The following ADAM22 variants were observed in gnomAD, a reference collection of about 807,000 sequenced individuals.
The protein encoded by ADAM22 is ADAM metallopeptidase domain 22.
ADAM22 carries 65 observed loss-of-function variants against 144.6 expected under a neutral mutation model. That is an observed-to-expected ratio of 0.45 (90% CI 0.37 to 0.55). The LOEUF is 0.55. ADAM22 is among the 20% of genes least tolerant of loss of function. The pLI is 0.00. For missense variants in ADAM22, 974 were observed against 1,184.9 expected (o/e 0.82, Z 2.61); for synonymous variants, 391 against 412.6 (o/e 0.95, Z 0.63).
intron 2 of ADAM22, among the ~76,000 whole-genome samples, chr7:87,966,920 C>T (rs754997912): frequency 8.6e-5 from 13 of 151,554 alleles, no homozygotes; most frequent in Non-Finnish European, 1.8e-4. Context: ...TTGTAGTTCC[C>T]GTAATCCCAA....
intron 29 of ADAM22, chr7:88,186,323 A>T: frequency 2.7e-6 from 1 of 369,446 alleles, no homozygotes; most frequent in South Asian, 3.0e-5. Flanking sequence ...GGGACTGCTG[A>T]CTGTACTGTG....
intron 2 of ADAM22, among the ~76,000 whole-genome samples, chr7:87,957,238 G>A (rs2129444545): frequency 6.6e-6 from 1 of 152,216 alleles, no homozygotes; most frequent in South Asian, 2.1e-4. Flanking sequence ...ATAATATTAG[G>A]GACATCTGGA....
chr7:87,969,207 C>T (rs1849851638), intron 2 of ADAM22, among the ~76,000 whole-genome samples: 1 of 152,214 alleles, frequency 6.6e-6, no homozygotes, highest in Non-Finnish European at 1.5e-5. Context: ...GTCTTTACTT[C>T]CATCTTGATC....
intron 3 of ADAM22, among the ~76,000 whole-genome samples, chr7:88,046,816 G>T (rs1426267346): frequency 6.6e-6 from 1 of 152,124 alleles, no homozygotes. Context: ...TTACAGTTAG[G>T]TTAATTTTTA....
At chr7:88,131,693 A>G (rs1246617180) in intron 11 of ADAM22, 1 of 498,788 alleles carries the variant, frequency 2.0e-6, no homozygotes, top group African/African-American at 1.9e-5. Context: ...GAGTAAAAAT[A>G]CTGCTAATAC....
At chr7:88,013,341 A>G (rs538304034) in intron 3 of ADAM22, among the ~76,000 whole-genome samples, 2 of 152,278 alleles carry the variant, frequency 1.3e-5, no homozygotes, top group East Asian at 3.9e-4. Context: ...AAATGAGGGT[A>G]ATGACTTCTA....
intron 31 of ADAM22, among the ~76,000 whole-genome samples, chr7:88,195,113 C>T (rs545049959): frequency 9.9e-5 from 15 of 152,224 alleles, no homozygotes; most frequent in African/African-American, 3.6e-4. Flanking sequence ...ATATATACAG[C>T]GACATGCACC....
At chr7:87,946,874 T>G (rs1053302315) in intron 2 of ADAM22, among the ~76,000 whole-genome samples, 29 of 152,272 alleles carry the variant, frequency 1.9e-4, no homozygotes, top group African/African-American at 5.8e-4. Flanking sequence ...TATGCAGCCT[T>G]AAAAATAATG....
At chr7:88,039,464 A>AAAAAAAAAAATAT in intron 3 of ADAM22, among the ~76,000 whole-genome samples, 22 of 76,396 alleles carry the variant, frequency 2.9e-4, no homozygotes, top group South Asian at 1.7e-3. Flanking sequence ...AAAAAAAAAA[A>AAAAAAAAAAATAT]ATATATATAT....
chr7:87,998,903 G>A (rs1477451132), intron 3 of ADAM22, among the ~76,000 whole-genome samples: 2 of 152,136 alleles, frequency 1.3e-5, no homozygotes, highest in East Asian at 1.9e-4. Context: ...ATATTAATAT[G>A]TTTGATTAAA....
intron 5 of ADAM22, among the ~76,000 whole-genome samples, chr7:88,112,167 T>A (rs1055338933): frequency 6.6e-6 from 1 of 152,220 alleles, no homozygotes; most frequent in Non-Finnish European, 1.5e-5. Context: ...GCACATATTG[T>A]CAGTAATGTC....
intron 3 of ADAM22, among the ~76,000 whole-genome samples, chr7:88,066,334 A>G (rs543711443): frequency 5.8e-4 from 88 of 152,232 alleles, no homozygotes; most frequent in African/African-American, 2.0e-3. Context: ...ATGATTTGTA[A>G]GAGAGATTAA....
intron 30 of ADAM22, among the ~76,000 whole-genome samples, chr7:88,188,889 T>C (rs915446096): frequency 1.6e-4 from 24 of 152,332 alleles, no homozygotes; most frequent in African/African-American, 5.8e-4. Context: ...AGACGGGATC[T>C]CACCATGTTG....
At chr7:88,189,248 C>T (rs912913413) in intron 30 of ADAM22, among the ~76,000 whole-genome samples, 4 of 152,144 alleles carry the variant, frequency 2.6e-5, no homozygotes, top group African/African-American at 9.7e-5. Flanking sequence ...ACACCCAGAT[C>T]CTGGATGCAG....
chr7:88,046,622 A>G (rs1371628850), intron 3 of ADAM22, among the ~76,000 whole-genome samples: 1 of 152,182 alleles, frequency 6.6e-6, no homozygotes, highest in Admixed American at 6.5e-5. Context: ...TGGGGGTTAT[A>G]GCCAAAACAA....
At chr7:87,993,885 G>T (rs1256644062) in intron 3 of ADAM22, among the ~76,000 whole-genome samples, 1 of 152,242 alleles carries the variant, frequency 6.6e-6, no homozygotes, top group East Asian at 1.9e-4. Flanking sequence ...TATATACACA[G>T]AACTAGCCCT....
intron 2 of ADAM22, among the ~76,000 whole-genome samples, chr7:87,937,236 G>A (rs187292798): frequency 8.6e-4 from 131 of 152,288 alleles, no homozygotes; most frequent in African/African-American, 3.1e-3. Context: ...GGGATTACAG[G>A]TGTGAGTTGT....
Position 88,128,609 on chromosome 7 carries a change from G to A in ADAM22, c.686G>A (p.Arg229Gln), listed in dbSNP as rs553357216. 10 of 1,611,122 alleles carry A rather than the reference G, an allele frequency of 6.2e-6. No homozygotes were observed. Among genetic ancestry groups the A allele is most frequent in the East Asian group, 4.5e-5 (2 of 44,810 alleles). ...TCCTTTCCTGTGTTACAGCTTCGTC[G>A]ATATCCTCGTAATGTAGAAGAAGAA... ...RPKRSKRQLR[R>Q]YPRNVEEETK... Residue 229 changes from arginine to glutamine, a missense_variant, in exon 9 of 32, where the codon CGA (arginine) becomes CAA (glutamine). Arg to Gln is a conservative substitution (Grantham distance 43). Around this residue, in one of 2 missense-constraint regions of ADAM22, gnomAD observed 734 missense variants for 950.6 expected, o/e 0.77. Coordinates refer to ENST00000413139, the MANE Select transcript of ADAM22 (RefSeq NM_001324418.2).
intron 3 of ADAM22, among the ~76,000 whole-genome samples, chr7:87,982,044 C>CATATAT (rs57982467): frequency 1.9e-4 from 22 of 113,212 alleles, no homozygotes; most frequent in African/African-American, 6.9e-4. Flanking sequence ...ATGTTTATTT[C>CATATAT]ATATATATAT....
Sources: allele counts gnomAD v4.1 joint callset (sites outside exome capture counted in the v4.1 genomes callset), GRCh38; gene constraint gnomAD v4.1.1; regional missense constraint gnomAD v4.1.1; transcripts MANE v1.5; gene names NCBI Gene and HGNC (gene_info 2026-07-23, HGNC 2026-07-21).